Variants in SLC24A3 observed in about 807,000 individuals in gnomAD.
SLC24A3 encodes the protein sodium/potassium/calcium exchanger 3.
SLC24A3 carries 28 observed loss-of-function variants against 75.8 expected under a neutral mutation model. The ratio of observed to expected loss-of-function variants is 0.37; its 90% CI spans 0.27 to 0.51. The LOEUF is 0.51. SLC24A3 is among the 20% of genes least tolerant of loss of function. The probability of loss-of-function intolerance (pLI) is 0.94; values close to 1 mark genes in which losing one functional copy is unlikely to be tolerated. For synonymous variants in SLC24A3, 372 were observed against 334.1 expected (o/e 1.11, Z -1.24); for missense variants, 663 against 847.8 (o/e 0.78, Z 2.71).
At chr20:19,558,637 T>C (rs902106584) in intron 3 of SLC24A3, among the ~76,000 whole-genome samples, 1 of 152,156 alleles carries the variant, frequency 6.6e-6, no homozygotes, top group East Asian at 1.9e-4. Context: ...AAGTTTGTCA[T>C]CTCTTTCCTC....
At chr20:19,325,829 GAGA>G (rs1984845093) in intron 2 of SLC24A3, among the ~76,000 whole-genome samples, 1 of 105,810 alleles carries the variant, frequency 9.5e-6, no homozygotes, top group East Asian at 2.3e-4. Context: ...GAGAGAGAGA[GAGA>G]GAGAGAGGGA....
chr20:19,322,037 G>A (rs751999607), intron 2 of SLC24A3, among the ~76,000 whole-genome samples: 5 of 152,004 alleles, frequency 3.3e-5, no homozygotes, highest in African/African-American at 9.7e-5. Flanking sequence ...TCAGGGGTGC[G>A]GTGCCCTTCC....
At position 19,577,436 on chromosome 20, in the gene SLC24A3, A is replaced by AT. The variant is rs1016423717; in HGVS notation, c.349-2557dup. Reference sequence around the variant, plus strand: ...GATCTATCAATGAGTTATTTTTGAGATTTTTTTCCATGCCAAGCATCCCAG... The same window carrying AT: ...GATCTATCAATGAGTTATTTTTGAGATTTTTTTTCCATGCCAAGCATCCCAG... On this transcript the variant is annotated intron_variant, in intron 3 of 16. Transcript: ENST00000328041. Among the ~76,000 whole-genome samples the AT allele has an allele frequency of 3.9e-5, 6 of 152,258 alleles. No individual in the cohort carries two copies. In the East Asian group the frequency reaches 7.7e-4, roughly 20 times the overall value.
intron 2 of SLC24A3, among the ~76,000 whole-genome samples, chr20:19,466,499 C>A (rs1568625995): frequency 6.6e-6 from 1 of 152,172 alleles, no homozygotes; most frequent in Non-Finnish European, 1.5e-5. Flanking sequence ...CTAAGGGAAG[C>A]CTCTTATGCT....
intron 14 of SLC24A3, among the ~76,000 whole-genome samples, chr20:19,698,191 T>C (rs1489144055): frequency 1.3e-5 from 2 of 152,148 alleles, no homozygotes; most frequent in Non-Finnish European, 1.5e-5. Flanking sequence ...TGGGGGATGG[T>C]GTTAAACCAT....
chr20:19,612,607 AGTGT>A lies in SLC24A3; in HGVS notation c.612+27094_612+27097del, dbSNP rs71198018. Among the ~76,000 whole-genome samples, 972 of 146,930 alleles carry A rather than the reference AGTGT, an allele frequency of 6.6e-3. 3 individuals are homozygous for A. Among genetic ancestry groups the A allele is most frequent in the East Asian group, 0.013 (63 of 4,924 alleles). ...ATAAAACTCAAGAACCCTTAAGAAA[AGTGT>A]GTGTGTGTGTGTGTGTGTGTGTGTG... On this transcript the variant is annotated intron_variant, in intron 6 of 16. Coordinates refer to ENST00000328041, the MANE Select transcript of SLC24A3 (RefSeq NM_020689.4).
intron 3 of SLC24A3, among the ~76,000 whole-genome samples, chr20:19,567,445 A>C (rs2030976680): frequency 6.6e-6 from 1 of 152,198 alleles, no homozygotes; most frequent in Non-Finnish European, 1.5e-5. Context: ...TACAAGTGGG[A>C]GTTAAACACT....
chr20:19,599,949 A>G (rs1338365823), intron 6 of SLC24A3, among the ~76,000 whole-genome samples: 1 of 152,150 alleles, frequency 6.6e-6, no homozygotes, highest in African/African-American at 2.4e-5. Flanking sequence ...AAGCTCAGCC[A>G]TGTCCTTGGT....
At chr20:19,322,799 C>G (rs1243284243) in intron 2 of SLC24A3, among the ~76,000 whole-genome samples, 1 of 152,202 alleles carries the variant, frequency 6.6e-6, no homozygotes, top group Non-Finnish European at 1.5e-5. Flanking sequence ...TTAAGCCCTT[C>G]TCTGAGCTTG....
chr20:19,301,866 C>T (rs1461340176), intron 2 of SLC24A3, among the ~76,000 whole-genome samples: 4 of 152,188 alleles, frequency 2.6e-5, no homozygotes, highest in Admixed American at 6.5e-5. Flanking sequence ...GACCTCACTC[C>T]GCCCATGTTT....
intron 2 of SLC24A3, among the ~76,000 whole-genome samples, chr20:19,448,900 C>G (rs1263232961): frequency 6.6e-6 from 1 of 152,232 alleles, no homozygotes. Context: ...ATTTTCTCCT[C>G]TCCTACTAAT....
intron 6 of SLC24A3, among the ~76,000 whole-genome samples, chr20:19,634,161 T>C (rs1166883365): frequency 1.3e-5 from 2 of 152,154 alleles, no homozygotes; most frequent in African/African-American, 2.4e-5. Context: ...TCCATGGTAG[T>C]GGTGTTTATG....
chr20:19,364,207 CA>C (rs1312799119), intron 2 of SLC24A3, among the ~76,000 whole-genome samples: 2 of 152,016 alleles, frequency 1.3e-5, no homozygotes, highest in Non-Finnish European at 2.9e-5. Flanking sequence ...GTGGGTCTCC[CA>C]AAGTAGATGG....
chr20:19,473,071 C>T (rs1208262500), intron 2 of SLC24A3, among the ~76,000 whole-genome samples: 1 of 152,172 alleles, frequency 6.6e-6, no homozygotes, highest in African/African-American at 2.4e-5. Context: ...GCATCTGATA[C>T]CAGAGTTAGT....
chr20:19,561,142 T>A (rs6112463), intron 3 of SLC24A3, among the ~76,000 whole-genome samples: 1 of 152,068 alleles, frequency 6.6e-6, no homozygotes, highest in Non-Finnish European at 1.5e-5. Context: ...TCAGAGAGAA[T>A]CTTATCATGA....
At chr20:19,526,819 T>C (rs2030206844) in intron 3 of SLC24A3, among the ~76,000 whole-genome samples, 1 of 152,216 alleles carries the variant, frequency 6.6e-6, no homozygotes, top group South Asian at 2.1e-4. Context: ...ATGTGGATAA[T>C]GATAGTATCT....
At chr20:19,340,441 T>A (rs1985245294) in intron 2 of SLC24A3, among the ~76,000 whole-genome samples, 1 of 152,230 alleles carries the variant, frequency 6.6e-6, no homozygotes, top group African/African-American at 2.4e-5. Context: ...CCTCCAGAAC[T>A]GTCAGAGAAT....
At chr20:19,248,333 G>A (rs894124844) in intron 1 of SLC24A3, among the ~76,000 whole-genome samples, 2 of 152,112 alleles carry the variant, frequency 1.3e-5, no homozygotes, top group Non-Finnish European at 2.9e-5. Flanking sequence ...TACCATGTAA[G>A]CTGAAAATGT....
At chr20:19,549,190 G>A (rs2030652007) in intron 3 of SLC24A3, among the ~76,000 whole-genome samples, 2 of 152,168 alleles carry the variant, frequency 1.3e-5, no homozygotes, top group South Asian at 4.1e-4. Flanking sequence ...TAACTGCAAG[G>A]GATGCTGGGA....
Sources: gnomAD v4.1 joint callset for allele counts (sites outside exome capture counted in the v4.1 genomes callset) on GRCh38, gnomAD v4.1.1 for gene constraint, MANE v1.5 for transcripts, NCBI Gene and HGNC (gene_info 2026-07-23, HGNC 2026-07-21) for gene names.